Variants in SLC7A11 observed in about 807,000 individuals in gnomAD.
The protein encoded by SLC7A11 is cystine/glutamate transporter.
Under a neutral mutation model 54.5 loss-of-function variants are expected in SLC7A11, and 35 were observed. The observed-to-expected ratio is 0.64, with a 90% confidence interval of 0.49 to 0.85. The LOEUF (loss-of-function observed/expected upper bound fraction) is 0.85, where lower values mean the gene tolerates loss of function less well. Ranked by LOEUF, SLC7A11 falls within the 40% of genes least tolerant of loss-of-function variation. SLC7A11 has a pLI of 0.00. For missense variants in SLC7A11, 583 were observed against 618.1 expected (o/e 0.94, Z 0.60); for synonymous variants, 230 against 225.2 (o/e 1.02, Z -0.19).
At chr4:138,190,306 G>A (rs970226754) in intron 6 of SLC7A11, among the ~76,000 whole-genome samples, 6 of 151,854 alleles carry the variant, frequency 4.0e-5, no homozygotes, top group African/African-American at 1.2e-4. Flanking sequence ...ACCTTAAAAT[G>A]TAAGATTTAA....
chr4:138,196,433 A>G (rs772495948), intron 6 of SLC7A11, among the ~76,000 whole-genome samples: 1 of 152,092 alleles, frequency 6.6e-6, no homozygotes. Flanking sequence ...CACAAGGAAG[A>G]CTCACTTCTA....
chr4:138,233,510 C>T (rs1738132942), intron 2 of SLC7A11, among the ~76,000 whole-genome samples: 1 of 152,056 alleles, frequency 6.6e-6, no homozygotes, highest in African/African-American at 2.4e-5. Context: ...TTATGCCAAA[C>T]TTCCTTTTTA....
chr4:138,184,819 A>G (rs1178112271), intron 7 of SLC7A11, among the ~76,000 whole-genome samples: 1 of 152,138 alleles, frequency 6.6e-6, no homozygotes, highest in Non-Finnish European at 1.5e-5. Context: ...TTTAGATTCA[A>G]TAACTGTCCA....
At chr4:138,193,358 C>T (rs1477650031) in intron 6 of SLC7A11, among the ~76,000 whole-genome samples, 1 of 152,142 alleles carries the variant, frequency 6.6e-6, no homozygotes, top group Non-Finnish European at 1.5e-5. Flanking sequence ...CAGATGAGTC[C>T]TCTCTTACTA....
chr4:138,221,427 G>GA (rs1378434561), intron 4 of SLC7A11, among the ~76,000 whole-genome samples: 9 of 152,082 alleles, frequency 5.9e-5, no homozygotes, highest in Non-Finnish European at 1.2e-4. Flanking sequence ...AGATTAATGT[G>GA]AAAAATGTGT....
At chr4:138,237,700 AATATATATATATATATATAT>A (rs1168512229) in intron 1 of SLC7A11, among the ~76,000 whole-genome samples, 48 of 14,702 alleles carry the variant, frequency 3.3e-3, no homozygotes, top group East Asian at 0.014. Context: ...GCCTAGCCAG[AATATATATATATATATATAT>A]ATATATATAT....
rs1736344250 is a variant in SLC7A11, at chr4:138,169,148, G to A, written c.*2808C>T. On this transcript the variant is annotated 3_prime_UTR_variant, in exon 12 of 12. Transcript: ENST00000280612. ...TGAATATGCATGGTACAAAGTACAA[G>A]TACAGAACATGTAGTAAGTAGTATG... 1 of 152,018 alleles carries A rather than the reference G, an allele frequency of 6.6e-6. No individual in the cohort carries two copies. Among genetic ancestry groups the A allele is most frequent in the Non-Finnish European group, 1.5e-5 (1 of 67,972 alleles). 9.4% of individuals were successfully genotyped at this position (152,018 alleles called of 1,614,324 possible).
intron 6 of SLC7A11, among the ~76,000 whole-genome samples, chr4:138,211,111 C>T (rs112986064): frequency 0.042 from 6,449 of 151,926 alleles, 192 homozygotes; most frequent in Non-Finnish European, 0.055. Context: ...CAGCTGGTGG[C>T]CATTATCCTA....
intron 6 of SLC7A11, among the ~76,000 whole-genome samples, chr4:138,188,607 A>G (rs746088457): frequency 3.7e-4 from 56 of 152,170 alleles, no homozygotes; most frequent in Middle Eastern, 3.2e-3. Flanking sequence ...GGGTGAACTG[A>G]TAAAAGCTAT....
rs529065297 is a variant in SLC7A11, at chr4:138,171,519, A to G, written c.*437T>C. 2 of 153,986 alleles carry G rather than the reference A, an allele frequency of 1.3e-5. No homozygotes were observed. Among genetic ancestry groups the G allele is most frequent in the Admixed American group, 6.5e-5 (1 of 15,302 alleles). The allele number at this position is 153,986 out of a possible 1,614,324, so 9.5% of individuals were successfully genotyped here. On this transcript the variant is annotated 3_prime_UTR_variant, in exon 12 of 12. Transcript: ENST00000280612. Reference sequence around the variant, plus strand: ...CTCCTCTTTGCCATAATCATGATGTATGCTTTTTTTCAGAATTGAAAACAC... The same window carrying G: ...CTCCTCTTTGCCATAATCATGATGTGTGCTTTTTTTCAGAATTGAAAACAC...
At chr4:138,175,256 T>A (rs971664528) in intron 11 of SLC7A11, among the ~76,000 whole-genome samples, 8 of 152,218 alleles carry the variant, frequency 5.3e-5, no homozygotes, top group African/African-American at 1.9e-4. Context: ...TCCACAAAGA[T>A]GCATTACAGT....
chr4:138,179,498 G>A (rs1278995018), intron 10 of SLC7A11, 104 bp from the exon 11 acceptor site: 2 of 925,430 alleles, frequency 2.2e-6, no homozygotes, highest in African/African-American at 3.3e-5. Context: ...GTGATATGCT[G>A]TAGTCATGCG....
chr4:138,188,565 T>C (rs1736933095), intron 6 of SLC7A11, among the ~76,000 whole-genome samples: 1 of 152,134 alleles, frequency 6.6e-6, no homozygotes, highest in Non-Finnish European at 1.5e-5. Flanking sequence ...CAGTTAACTC[T>C]AGGTTTCAGG....
chr4:138,166,815 A>C lies in SLC7A11; in HGVS notation c.*5141T>G, dbSNP rs796518335. On this transcript the variant is annotated 3_prime_UTR_variant, in exon 12 of 12. Transcript: ENST00000280612. ...AGAGGAGGGAAAAAAATAACTACCA[A>C]GAAAATAAAACTAATGGGTAGATTC... 1.3e-5 allele frequency: 2 copies of C among 152,320 alleles called. No individual in the cohort carries two copies. The highest frequency in any genetic ancestry group is 4.8e-5 in the African/African-American group (2 of 41,560). The allele number at this position is 152,320 out of a possible 1,614,324, so 9.4% of individuals were successfully genotyped here. A position where few individuals can be genotyped will look rare whatever the true frequency, so the allele number is the denominator to read the frequency against.
chr4:138,192,064 C>T (rs1225229497), intron 6 of SLC7A11, among the ~76,000 whole-genome samples: 5 of 152,080 alleles, frequency 3.3e-5, no homozygotes, highest in Non-Finnish European at 5.9e-5. Flanking sequence ...ATTTGGTCTA[C>T]ACAACACTAA....
intron 6 of SLC7A11, among the ~76,000 whole-genome samples, chr4:138,208,327 GAGA>G (rs1737458627): frequency 6.6e-6 from 1 of 152,070 alleles, no homozygotes; most frequent in Non-Finnish European, 1.5e-5. Context: ...TAAATGAAGT[GAGA>G]AGAACACTGG....
intron 7 of SLC7A11, 44 bp from the exon 8 acceptor site, chr4:138,183,349 G>A: frequency 7.4e-7 from 1 of 1,343,242 alleles, no homozygotes; most frequent in Non-Finnish European, 1.1e-6. Context: ...TTGCCAGAAA[G>A]TGGAATAAAA....
At chr4:138,203,388 T>A (rs1737333848) in intron 6 of SLC7A11, among the ~76,000 whole-genome samples, 1 of 152,144 alleles carries the variant, frequency 6.6e-6, no homozygotes, top group Admixed American at 6.6e-5. Flanking sequence ...ACTATATTCT[T>A]ATTTAATTAA....
At chr4:138,200,014 A>G (rs1396465153) in intron 6 of SLC7A11, among the ~76,000 whole-genome samples, 1 of 152,128 alleles carries the variant, frequency 6.6e-6, no homozygotes, top group Non-Finnish European at 1.5e-5. Context: ...CAGCTAGCGA[A>G]TAGTACCTTA....
Sources: allele counts gnomAD v4.1 joint callset (sites outside exome capture counted in the v4.1 genomes callset), GRCh38; gene constraint gnomAD v4.1.1; transcripts MANE v1.5; gene names NCBI Gene and HGNC (gene_info 2026-07-23, HGNC 2026-07-21).